BAZ2B: variants seen among roughly 807,000 people sequenced by gnomAD.
BAZ2B encodes the protein bromodomain adjacent to zinc finger domain protein 2B.
In BAZ2B, 91 loss-of-function variants were observed where a neutral mutation model predicts 246.0. That is an observed-to-expected ratio of 0.37 (90% CI 0.31 to 0.44). The LOEUF is 0.44. Ranked by LOEUF, BAZ2B falls within the 20% of genes least tolerant of loss-of-function variation. The pLI, the probability that BAZ2B is intolerant of heterozygous loss-of-function variation, is 1.00. For synonymous variants in BAZ2B, 855 were observed against 860.0 expected, an observed-to-expected ratio of 0.99 and a Z score of 0.10; for missense variants, 2,332 against 2,533.7, an observed-to-expected ratio of 0.92 and a Z score of 1.71.
At chr2:159,556,479 T>C (rs2089145761) in intron 1 of BAZ2B, among the ~76,000 whole-genome samples, 1 of 152,218 alleles carries the variant, frequency 6.6e-6, no homozygotes, top group Non-Finnish European at 1.5e-5. Flanking sequence ...TGTTGTTTTT[T>C]CGAGACAGAG....
At chr2:159,595,517 T>C (rs1432821118) in intron 1 of BAZ2B, among the ~76,000 whole-genome samples, 1 of 152,258 alleles carries the variant, frequency 6.6e-6, no homozygotes, top group Non-Finnish European at 1.5e-5. Flanking sequence ...GTGTTGTGTG[T>C]GCTCATGAAT....
intron 1 of BAZ2B, among the ~76,000 whole-genome samples, chr2:159,605,625 T>G (rs563182329): frequency 6.6e-6 from 1 of 151,964 alleles, no homozygotes; most frequent in East Asian, 1.9e-4. Flanking sequence ...GGCCCAGTGG[T>G]GCATGCCTGT....
At position 159,446,919 on chromosome 2, in the gene BAZ2B, A is replaced by G; in HGVS notation, c.559T>C (p.Ser187Pro). The G allele has an allele frequency of 8.7e-6, 14 of 1,608,718 alleles. No individual in the cohort carries two copies. Among genetic ancestry groups the G allele is most frequent in the Non-Finnish European group, 1.2e-5 (14 of 1,178,156 alleles). Residue 187 changes from serine (S) to proline (P), a missense_variant, in exon 6 of 37, where the codon TCT becomes CCT. Physicochemically the swap from Ser to Pro is moderately conservative, Grantham distance 74. Around this residue, in one of 9 missense-constraint regions of BAZ2B, gnomAD observed 242 missense variants for 237.4 expected, o/e 1.02. Transcript: ENST00000392783. ...CTTGAAGCAGTAGTGGATAGTACAGATGTGTTGATACCAATTACAGATGAT... is the reference window on the plus strand; with the variant it reads ...CTTGAAGCAGTAGTGGATAGTACAGGTGTGTTGATACCAATTACAGATGAT... The part of the protein sequence containing the change: ...NTSSVIGINT[S>P]VLSTTASSSM...
At chr2:159,695,816 G>A in the BAZ2B span, among the ~76,000 whole-genome samples, 3 of 151,842 alleles carry the variant, frequency 2.0e-5, no homozygotes, top group Non-Finnish European at 2.9e-5. Context: ...GTGCAGTGGC[G>A]TGATCTTGGC....
intron 2 of BAZ2B, among the ~76,000 whole-genome samples, chr2:159,534,965 G>C (rs925238969): frequency 1.3e-5 from 2 of 151,976 alleles, no homozygotes; most frequent in Admixed American, 6.6e-5. Flanking sequence ...TTTAACAAAC[G>C]TAAAAAAGGG....
chr2:159,471,397 T>G (rs1045417438), intron 3 of BAZ2B, among the ~76,000 whole-genome samples: 1 of 151,954 alleles, frequency 6.6e-6, no homozygotes, highest in Non-Finnish European at 1.5e-5. Flanking sequence ...AGCCCAGGAG[T>G]TTGAGACCAG....
At chr2:159,598,730 T>A (rs1191817390) in intron 1 of BAZ2B, among the ~76,000 whole-genome samples, 1 of 151,926 alleles carries the variant, frequency 6.6e-6, no homozygotes, top group African/African-American at 2.4e-5. Context: ...GCCAGGCACC[T>A]GTAATCCCAG....
intron 4 of BAZ2B, among the ~76,000 whole-genome samples, chr2:159,451,554 C>G (rs1190803713): frequency 6.6e-6 from 1 of 152,148 alleles, no homozygotes. Context: ...AAAAAGTATG[C>G]TCATCTAGGC....
chr2:159,542,075 AG>A (rs1184191778), intron 2 of BAZ2B, among the ~76,000 whole-genome samples: 1 of 152,236 alleles, frequency 6.6e-6, no homozygotes, highest in Non-Finnish European at 1.5e-5. Context: ...AGATATGAGT[AG>A]GCAGAAGAAA....
intron 2 of BAZ2B, among the ~76,000 whole-genome samples, chr2:159,524,238 A>G (rs1486610067): frequency 6.6e-6 from 1 of 152,148 alleles, no homozygotes; most frequent in East Asian, 1.9e-4. Flanking sequence ...TGGGCAACAC[A>G]GCAAGACCCC....
At chr2:159,370,336 TA>T (rs397690952) in intron 27 of BAZ2B, among the ~76,000 whole-genome samples, 6 of 144,170 alleles carry the variant, frequency 4.2e-5, no homozygotes, top group African/African-American at 7.7e-5. Context: ...ATATATTTAT[TA>T]AAAAAAAAAC....
At chr2:159,412,262 TCA>T in intron 14 of BAZ2B, 71 bp downstream of exon 14, 2 of 1,447,648 alleles carry the variant, frequency 1.4e-6, no homozygotes, top group South Asian at 2.4e-5. Flanking sequence ...CAATCCTAAG[TCA>T]AAAATATTAG....
intron 4 of BAZ2B, among the ~76,000 whole-genome samples, chr2:159,449,617 A>T (rs902900277): frequency 1.3e-5 from 2 of 152,228 alleles, no homozygotes; most frequent in African/African-American, 2.4e-5. Flanking sequence ...GTATAAGTAG[A>T]AAACTGCAAA....
At chr2:159,610,057 AT>A (rs1273553913) in intron 1 of BAZ2B, among the ~76,000 whole-genome samples, 1 of 152,194 alleles carries the variant, frequency 6.6e-6, no homozygotes, top group Non-Finnish European at 1.5e-5. Flanking sequence ...AACTATTGGC[AT>A]TTCATGCACT....
At chr2:159,442,914 T>C (rs1359664494) in intron 6 of BAZ2B, among the ~76,000 whole-genome samples, 1 of 152,244 alleles carries the variant, frequency 6.6e-6, no homozygotes, top group African/African-American at 2.4e-5. Context: ...CCCATGTATT[T>C]TGCTTATCCA....
intron 3 of BAZ2B, among the ~76,000 whole-genome samples, chr2:159,454,163 TA>T (rs1235693344): frequency 6.6e-6 from 1 of 152,026 alleles, no homozygotes; most frequent in Non-Finnish European, 1.5e-5. Flanking sequence ...AGAAGGGAAA[TA>T]AAAAACATCC....
intron 33 of BAZ2B, among the ~76,000 whole-genome samples, chr2:159,333,665 G>C (rs542360382): frequency 6.6e-6 from 1 of 152,126 alleles, no homozygotes; most frequent in South Asian, 2.1e-4. Context: ...TTTAAAGTTA[G>C]GTATTTATAC....
At chr2:159,482,127 A>C (rs1459770008) in intron 2 of BAZ2B, among the ~76,000 whole-genome samples, 15 of 66,912 alleles carry the variant, frequency 2.2e-4, no homozygotes, top group South Asian at 5.2e-4. Flanking sequence ...AAAAAGTAAA[A>C]AAACAAACAA....
intron 33 of BAZ2B, among the ~76,000 whole-genome samples, chr2:159,333,421 G>T (rs1421730139): frequency 1.3e-5 from 2 of 151,956 alleles, no homozygotes; most frequent in Non-Finnish European, 2.9e-5. Flanking sequence ...TATAATTAAA[G>T]ACTTTAAATC....
Sources: gnomAD v4.1 joint callset for allele counts (sites outside exome capture counted in the v4.1 genomes callset) on GRCh38, gnomAD v4.1.1 for gene constraint, gnomAD v4.1.1 regional missense constraint, MANE v1.5 for transcripts, NCBI Gene and HGNC (gene_info 2026-07-23, HGNC 2026-07-21) for gene names.